Variants in FLI1 observed in about 807,000 individuals in gnomAD.
FLI1 encodes Friend leukemia integration 1 transcription factor.
FLI1 carries 13 observed loss-of-function variants against 53.1 expected under a neutral mutation model. The ratio of observed to expected loss-of-function variants is 0.24; its 90% CI spans 0.16 to 0.39. The LOEUF is 0.39. Among genes scored for constraint, FLI1 ranks in the 10% least tolerant of loss-of-function variants. FLI1 has a pLI of 1.00. For missense variants in FLI1, 424 were observed against 600.5 expected (o/e 0.71, Z 3.07); for synonymous variants, 244 against 236.7 (o/e 1.03, Z -0.28).
intron 1 of FLI1, chr11:128,748,151 T>C (rs1940485377): frequency 5.0e-6 from 2 of 403,564 alleles, no homozygotes; most frequent in African/African-American, 2.2e-5. Flanking sequence ...CTCTTCTCTG[T>C]GCTCACTTAG....
rs372519841 is a variant in FLI1, at chr11:128,805,332, T to A, written c.656-34T>A. Reference sequence around the variant, plus strand: ...TGCAACTTTTCTGAGAAGCAGGCGATGCTAATGTACCCCTATTTGTTATTG... The same window carrying A: ...TGCAACTTTTCTGAGAAGCAGGCGAAGCTAATGTACCCCTATTTGTTATTG... On this transcript the variant is annotated intron_variant, in intron 5 of 8. Transcript: ENST00000527786. 2.2e-6 allele frequency: 3 copies of A among 1,347,550 alleles called. No individual in the cohort carries two copies. The African/African-American group carries it at 4.3e-5, about 19-fold the overall frequency. 83.5% of individuals were successfully genotyped at this position (1,347,550 alleles called of 1,614,324 possible).
At chr11:128,717,353 G>T (rs528148113) in intron 1 of FLI1, among the ~76,000 whole-genome samples, 2 of 152,180 alleles carry the variant, frequency 1.3e-5, no homozygotes, top group Non-Finnish European at 2.9e-5. Flanking sequence ...TTTTGCTATC[G>T]TGTGACATTT....
intron 1 of FLI1, among the ~76,000 whole-genome samples, chr11:128,750,904 C>T (rs1411818002): frequency 6.6e-6 from 1 of 152,252 alleles, no homozygotes; most frequent in Non-Finnish European, 1.5e-5. Context: ...CTGATATTCA[C>T]TGAGTATGTG....
At chr11:128,803,564 T>C (rs565250790) in intron 5 of FLI1, among the ~76,000 whole-genome samples, 1 of 152,240 alleles carries the variant, frequency 6.6e-6, no homozygotes, top group South Asian at 2.1e-4. Context: ...ACCCTTTATG[T>C]GTCCTCCATG....
upstream of FLI1, among the ~76,000 whole-genome samples, chr11:128,689,431 C>T (rs1194033928): frequency 6.6e-6 from 1 of 152,216 alleles, no homozygotes; most frequent in East Asian, 1.9e-4. Flanking sequence ...CTTGCTCTAA[C>T]TCCTTCACTT....
rs1195867058 is a variant in FLI1, at chr11:128,811,267, T to C, written c.*279T>C. 4.1e-6 allele frequency: 2 copies of C among 490,262 alleles called. No individual in the cohort carries two copies. The highest frequency in any genetic ancestry group is 3.6e-5 in the East Asian group (1 of 27,530). 30.4% of individuals were successfully genotyped at this position (490,262 alleles called of 1,614,324 possible). On this transcript the variant is annotated 3_prime_UTR_variant, in exon 9 of 9. Coordinates refer to ENST00000527786, the MANE Select transcript of FLI1 (RefSeq NM_002017.5). Reference sequence around the variant, plus strand: ...CTTGTGAGTTGCATATTAAGATTACTGGAATGGTTAAGTCATGGTTCTGAG... The same window carrying C: ...CTTGTGAGTTGCATATTAAGATTACCGGAATGGTTAAGTCATGGTTCTGAG...
At chr11:128,737,273 A>C (rs1019098425) in intron 1 of FLI1, among the ~76,000 whole-genome samples, 1 of 152,146 alleles carries the variant, frequency 6.6e-6, no homozygotes, top group Non-Finnish European at 1.5e-5. Flanking sequence ...ACCTCACCAC[A>C]CTATTGTCAG....
chr11:128,696,725 T>C (rs1938096067), intron 1 of FLI1, among the ~76,000 whole-genome samples: 1 of 152,192 alleles, frequency 6.6e-6, no homozygotes, highest in African/African-American at 2.4e-5. Flanking sequence ...CATTTCCAGT[T>C]TGAACTGCCT....
At chr11:128,782,592 G>T (rs1004388715) in intron 5 of FLI1, among the ~76,000 whole-genome samples, 9 of 152,200 alleles carry the variant, frequency 5.9e-5, no homozygotes, top group Non-Finnish European at 1.0e-4. Context: ...CAGCTACTCA[G>T]GAGGCTGAGA....
intron 1 of FLI1, among the ~76,000 whole-genome samples, chr11:128,715,255 C>G (rs1383967968): frequency 1.3e-5 from 2 of 152,218 alleles, no homozygotes; most frequent in Admixed American, 6.5e-5. Flanking sequence ...TATTCCTGCC[C>G]TGGAAGACAA....
At chr11:128,759,477 T>G (rs1272719460) in intron 2 of FLI1, among the ~76,000 whole-genome samples, 1 of 152,092 alleles carries the variant, frequency 6.6e-6, no homozygotes, top group Non-Finnish European at 1.5e-5. Flanking sequence ...ATATCCCAGA[T>G]AGGAAATAAT....
At chr11:128,778,189 A>G (rs1297020513) in intron 4 of FLI1, among the ~76,000 whole-genome samples, 1 of 152,216 alleles carries the variant, frequency 6.6e-6, no homozygotes, top group Non-Finnish European at 1.5e-5. Flanking sequence ...CTTACAAATA[A>G]CCAAGTAGGC....
Position 128,807,229 on chromosome 11 carries a change from G to A in FLI1, c.771G>A (p.Arg257=), listed in dbSNP as rs1267031470. Residue 257 remains arginine, a synonymous_variant, in exon 7 of 9, where the codon CGG becomes CGA. Coordinates refer to ENST00000527786, the MANE Select transcript of FLI1 (RefSeq NM_002017.5). ...AQTISKNTEQ[R]PQPDPYQILG... is the part of the protein sequence containing the mutation. ...CGATCAGTAAGAATACAGAGCAACGGCCCCAGCCAGGTACCTGCCCAGGAT... is the reference window on the plus strand; with the variant it reads ...CGATCAGTAAGAATACAGAGCAACGACCCCAGCCAGGTACCTGCCCAGGAT... The A allele has an allele frequency of 1.3e-6, 2 of 1,598,012 alleles. No individual in the cohort carries two copies. Among genetic ancestry groups the A allele is most frequent in the East Asian group, 4.6e-5 (2 of 43,938 alleles).
intron 7 of FLI1, among the ~76,000 whole-genome samples, chr11:128,808,800 G>A (rs968232751): frequency 6.6e-6 from 1 of 152,030 alleles, no homozygotes; most frequent in African/African-American, 2.4e-5. Flanking sequence ...CATGAGACCT[G>A]CTTTAAGCCC....
intron 1 of FLI1, among the ~76,000 whole-genome samples, chr11:128,725,618 T>A (rs1299879911): frequency 1.3e-5 from 2 of 151,372 alleles, no homozygotes; most frequent in African/African-American, 2.4e-5. Context: ...TAAAAAGACA[T>A]CTCATCATCC....
In FLI1 at chr11:128,812,495, T is replaced by TG. The variant is rs1430033060; in HGVS notation, c.*1508dup. ...CTGGGGAACTTTCCTATTTACTTCT[T>TG]GCACTATCAAGAATTTTTCGAATGT... On this transcript the variant is annotated 3_prime_UTR_variant, in exon 9 of 9. Coordinates refer to ENST00000527786, the MANE Select transcript of FLI1 (RefSeq NM_002017.5). 1 of 224,656 alleles carries TG rather than the reference T, an allele frequency of 4.5e-6. No homozygotes were observed. Among genetic ancestry groups the TG allele is most frequent in the African/African-American group, 2.2e-5 (1 of 44,892 alleles). 13.9% of individuals were successfully genotyped at this position (224,656 alleles called of 1,614,324 possible).
rs540324862 is a variant in FLI1 at position 128,764,682 on chromosome 11, T to C, written c.231-3436T>C. On this transcript the variant is annotated intron_variant, in intron 2 of 8. Coordinates refer to ENST00000527786, the MANE Select transcript of FLI1 (RefSeq NM_002017.5). ...GCTGCCTCATTAAAGAGCAGCCTTT[T>C]ATGCTGGGCTTCACCTGTACCCACC... 127 of 1,538,576 alleles carry C rather than the reference T, an allele frequency of 8.3e-5. No homozygotes were observed. The African/African-American group carries it at 1.6e-3, about 19-fold the overall frequency.
At chr11:128,776,340 G>A (rs1299995830) in intron 4 of FLI1, among the ~76,000 whole-genome samples, 1 of 152,046 alleles carries the variant, frequency 6.6e-6, no homozygotes, top group Admixed American at 6.5e-5. Context: ...GGGTGGCCAC[G>A]GTTCTTGGGG....
chr11:128,801,861 G>C (rs1287391307), intron 5 of FLI1, among the ~76,000 whole-genome samples: 1 of 152,150 alleles, frequency 6.6e-6, no homozygotes, highest in Non-Finnish European at 1.5e-5. Context: ...TACTCTTATG[G>C]ACCTGATGTT....
Sources: gnomAD v4.1 joint callset for allele counts (sites outside exome capture counted in the v4.1 genomes callset) on GRCh38, gnomAD v4.1.1 for gene constraint, MANE v1.5 for transcripts, NCBI Gene and HGNC (gene_info 2026-07-23, HGNC 2026-07-21) for gene names.